Variants in SUGCT observed in about 807,000 individuals in gnomAD.
The protein encoded by SUGCT is succinyl-CoA:glutarate-CoA transferase, also known as succinyl-CoA:glutarate CoA-transferase.
In SUGCT, 41 loss-of-function variants were observed where a neutral mutation model predicts 55.0. The ratio of observed to expected loss-of-function variants is 0.74; its 90% CI spans 0.58 to 0.97. The LOEUF (loss-of-function observed/expected upper bound fraction) is 0.97, where lower values mean the gene tolerates loss of function less well. SUGCT is among the 50% of genes least tolerant of loss of function. The pLI is 0.00. For synonymous variants in SUGCT, 187 were observed against 200.4 expected (o/e 0.93, Z 0.56); for missense variants, 568 against 547.8 (o/e 1.04, Z -0.37).
In SUGCT at chr7:40,663,967, A is replaced by C. The variant is rs576448277; in HGVS notation, c.1090-85467A>C. Among the ~76,000 whole-genome samples the C allele has an allele frequency of 6.1e-3, 932 of 152,272 alleles. 6 individuals carry two copies. Among genetic ancestry groups the C allele is most frequent in the Non-Finnish European group, 0.011 (743 of 68,018 alleles). On this transcript the variant is annotated intron_variant, in intron 12 of 13. Coordinates refer to ENST00000335693, the MANE Select transcript of SUGCT (RefSeq NM_001193313.2). The stretch of plus-strand genomic sequence containing the variant: ...GGGGTAATCAAGTTAAAGTTAGGTC[A>C]CTGGGGGGAGGGCCTAATCCATGTG...
chr7:40,590,431 C>CTGTG (rs1797650240), intron 12 of SUGCT, among the ~76,000 whole-genome samples: 1 of 152,104 alleles, frequency 6.6e-6, no homozygotes, highest in Non-Finnish European at 1.5e-5. Context: ...TTATGCCAAA[C>CTGTG]AGCCAAATTG....
intron 12 of SUGCT, among the ~76,000 whole-genome samples, chr7:40,740,591 C>T (rs1274328095): frequency 6.7e-6 from 1 of 149,992 alleles, no homozygotes; most frequent in East Asian, 1.9e-4. Context: ...TTCCTTGCCT[C>T]ATTTTCAATC....
At chr7:40,532,191 C>A (rs1375522055) in intron 12 of SUGCT, among the ~76,000 whole-genome samples, 1 of 152,134 alleles carries the variant, frequency 6.6e-6, no homozygotes, top group Non-Finnish European at 1.5e-5. Context: ...GGATCCAATG[C>A]TCATGAATGA....
At chr7:40,323,754 G>A (rs1057497473) in intron 9 of SUGCT, among the ~76,000 whole-genome samples, 6 of 152,112 alleles carry the variant, frequency 3.9e-5, no homozygotes, top group African/African-American at 9.7e-5. Context: ...AAATCCCAGT[G>A]CGGATAGACT....
chr7:40,917,688 C>CT, the SUGCT span, among the ~76,000 whole-genome samples: 3 of 152,186 alleles, frequency 2.0e-5, no homozygotes, highest in Non-Finnish European at 2.9e-5. Context: ...GTATTGGAGA[C>CT]TGAGACATCC....
intron 8 of SUGCT, among the ~76,000 whole-genome samples, chr7:40,282,539 G>A (rs1485391662): frequency 1.3e-5 from 2 of 151,776 alleles, no homozygotes; most frequent in Admixed American, 1.3e-4. Flanking sequence ...TGGATATTCA[G>A]ATGCAGAAGA....
chr7:40,998,367 G>GA, the SUGCT span, among the ~76,000 whole-genome samples: 748 of 142,602 alleles, frequency 5.2e-3, 8 homozygotes, highest in African/African-American at 0.017. Context: ...GTAAGACTCT[G>GA]AAAAAAAAAA....
chr7:40,274,690 T>A, intron 8 of SUGCT, 34 bp downstream of exon 8: 1 of 1,602,066 alleles, frequency 6.2e-7, no homozygotes, highest in East Asian at 2.2e-5. Context: ...GATAATGTTA[T>A]AAAAACTGTG....
intron 12 of SUGCT, among the ~76,000 whole-genome samples, chr7:40,563,690 G>A (rs1236824610): frequency 6.6e-6 from 1 of 151,542 alleles, no homozygotes; most frequent in Admixed American, 6.6e-5. Context: ...CTCCAGTCTG[G>A]GCAACAGAGC....
chr7:40,940,759 A>T, the SUGCT span, among the ~76,000 whole-genome samples: 1 of 152,016 alleles, frequency 6.6e-6, no homozygotes, highest in African/African-American at 2.4e-5. Flanking sequence ...GAATTCATTT[A>T]TCAAATCTAG....
chr7:40,857,640 A>G (rs551238580), intron 13 of SUGCT, among the ~76,000 whole-genome samples: 1 of 152,246 alleles, frequency 6.6e-6, no homozygotes, highest in Non-Finnish European at 1.5e-5. Context: ...CCCTCATTCG[A>G]TCACTGTGTG....
the SUGCT span, among the ~76,000 whole-genome samples, chr7:40,987,337 A>G: frequency 6.6e-6 from 1 of 152,134 alleles, no homozygotes; most frequent in Non-Finnish European, 1.5e-5. Flanking sequence ...GTGGTTTGAG[A>G]ATGATCAGGA....
intron 1 of SUGCT, among the ~76,000 whole-genome samples, chr7:40,180,180 G>T (rs1056557678): frequency 6.6e-6 from 1 of 151,782 alleles, no homozygotes; most frequent in Non-Finnish European, 1.5e-5. Context: ...GTGGAGTGCA[G>T]TGGCTCGATC....
At chr7:40,220,509 A>G (rs760629416) in intron 6 of SUGCT, among the ~76,000 whole-genome samples, 9 of 152,206 alleles carry the variant, frequency 5.9e-5, no homozygotes, top group Middle Eastern at 3.2e-3. Flanking sequence ...CTGAGTAACA[A>G]TGGAGGAAGC....
intron 6 of SUGCT, among the ~76,000 whole-genome samples, chr7:40,202,081 C>A (rs1279214201): frequency 6.6e-6 from 1 of 152,114 alleles, no homozygotes; most frequent in African/African-American, 2.4e-5. Flanking sequence ...TCAAATCATC[C>A]TCCTCCTCAG....
chr7:40,167,735 C>T (rs920512931), intron 1 of SUGCT, among the ~76,000 whole-genome samples: 1 of 152,176 alleles, frequency 6.6e-6, no homozygotes, highest in African/African-American at 2.4e-5. Context: ...CAGTCGAGAG[C>T]GGCAATGGGT....
intron 1 of SUGCT, among the ~76,000 whole-genome samples, chr7:40,166,843 C>T (rs951646495): frequency 2.2e-4 from 33 of 149,238 alleles, no homozygotes; most frequent in Non-Finnish European, 4.1e-4. Context: ...GCCGAGATTG[C>T]GCCACTGCAC....
chr7:40,443,062 T>C (rs1788607451), intron 9 of SUGCT, among the ~76,000 whole-genome samples: 1 of 152,224 alleles, frequency 6.6e-6, no homozygotes, highest in Non-Finnish European at 1.5e-5. Context: ...TCATCCTTTT[T>C]TATGGCTGCA....
At chr7:40,652,956 C>T (rs907201435) in intron 12 of SUGCT, among the ~76,000 whole-genome samples, 3 of 152,190 alleles carry the variant, frequency 2.0e-5, no homozygotes, top group Non-Finnish European at 2.9e-5. Context: ...TCTAACTCTC[C>T]AGGCTTTGAC....
Sources: allele counts gnomAD v4.1 joint callset (sites outside exome capture counted in the v4.1 genomes callset), GRCh38; gene constraint gnomAD v4.1.1; transcripts MANE v1.5; gene names NCBI Gene and HGNC (gene_info 2026-07-23, HGNC 2026-07-21).